The following EXOC4 variants were observed in gnomAD, a reference collection of about 807,000 sequenced individuals.
EXOC4 encodes exocyst complex component 4.
EXOC4 carries 71 observed loss-of-function variants against 107.2 expected under a neutral mutation model. The ratio of observed to expected loss-of-function variants is 0.66; its 90% CI spans 0.55 to 0.81. The LOEUF is 0.81. Ranked by LOEUF, EXOC4 falls within the 30% of genes least tolerant of loss-of-function variation. EXOC4 has a pLI of 0.00. For synonymous variants in EXOC4, 456 were observed against 441.2 expected (o/e 1.03, Z -0.42); for missense variants, 1,108 against 1,189.6 (o/e 0.93, Z 1.01).
chr7:134,040,825 A>G (rs1029864520), intron 17 of EXOC4, among the ~76,000 whole-genome samples: 2 of 152,228 alleles, frequency 1.3e-5, no homozygotes, highest in Non-Finnish European at 2.9e-5. Context: ...AGGATAGTCA[A>G]TCACCTGTGG....
At chr7:133,712,439 CAAAAAAAAAAAAAAAAAAA>C (rs58629398) in intron 10 of EXOC4, among the ~76,000 whole-genome samples, 3 of 30,226 alleles carry the variant, frequency 9.9e-5, no homozygotes, top group Non-Finnish European at 1.7e-4. Context: ...AACTCTGTCT[CAAAAAAAAAAAAAAAAAAA>C]AAAAAAAAAA....
intron 7 of EXOC4, among the ~76,000 whole-genome samples, chr7:133,457,761 C>T (rs932654361): frequency 1.3e-5 from 2 of 152,042 alleles, no homozygotes; most frequent in Non-Finnish European, 2.9e-5. Flanking sequence ...TCTTTTTTCA[C>T]CTTTAATTGA....
At chr7:133,827,551 C>T (rs1797730045) in intron 11 of EXOC4, among the ~76,000 whole-genome samples, 1 of 152,144 alleles carries the variant, frequency 6.6e-6, no homozygotes, top group Non-Finnish European at 1.5e-5. Flanking sequence ...ACATTATTTT[C>T]ATTTGTCTTC....
chr7:133,679,008 T>C (rs1794127048), intron 10 of EXOC4, among the ~76,000 whole-genome samples: 1 of 152,220 alleles, frequency 6.6e-6, no homozygotes, highest in Non-Finnish European at 1.5e-5. Context: ...TTTATTTTTG[T>C]GTTTATTCTT....
Position 133,306,024 on chromosome 7 carries a change from C to G in EXOC4, c.619C>G (p.Arg207Gly). ...GCACCTGTACATCAAATCGACTAGCCGAGTTGTGCAGCGTAACAAGGAAAA... is the reference window on the plus strand; with the variant it reads ...GCACCTGTACATCAAATCGACTAGCGGAGTTGTGCAGCGTAACAAGGAAAA... ...HRHLYIKSTS[R>G]VVQRNKEKGK... The change falls in exon 4 of 18, where the codon CGA becomes GGA. Residue 207 changes from arginine (R) to glycine (G), a missense_variant. Transcript: ENST00000253861. 6.2e-7 allele frequency: 1 copy of G among 1,613,218 alleles called. No homozygotes were observed. Among genetic ancestry groups the G allele is most frequent in the Non-Finnish European group, 8.5e-7 (1 of 1,179,634 alleles).
At chr7:133,806,582 T>C (rs947736406) in intron 10 of EXOC4, among the ~76,000 whole-genome samples, 1 of 152,196 alleles carries the variant, frequency 6.6e-6, no homozygotes. Flanking sequence ...GCACACACTT[T>C]AGGGTTTTCA....
In EXOC4 at chr7:133,703,371, G is replaced by A. The variant is rs117708313; in HGVS notation, c.1514+73230G>A. On this transcript the variant is annotated intron_variant, in intron 10 of 17. Coordinates refer to ENST00000253861, the MANE Select transcript of EXOC4 (RefSeq NM_021807.4). ...TCTACATTGATGTAAGGATACCTTC[G>A]TCACATGGATGAATTAATAAATTCA... is the stretch of plus-strand genomic sequence containing the variant. 2.5e-3 allele frequency among the ~76,000 whole-genome samples: 380 copies of A among 152,210 alleles called. 1 individual carries two copies. Among genetic ancestry groups the A allele is most frequent in the South Asian group, 7.1e-3 (34 of 4,820 alleles).
chr7:133,426,901 C>T (rs2150768662), intron 7 of EXOC4, among the ~76,000 whole-genome samples: 1 of 152,194 alleles, frequency 6.6e-6, no homozygotes, highest in East Asian at 1.9e-4. Flanking sequence ...GGGAATTGAG[C>T]AGTTTATATT....
chr7:133,496,469 T>A (rs1365242034), intron 9 of EXOC4, among the ~76,000 whole-genome samples: 1 of 152,168 alleles, frequency 6.6e-6, no homozygotes, highest in African/African-American at 2.4e-5. Flanking sequence ...ACCCAGCCAA[T>A]ATAGTTTTTC....
At chr7:134,091,642 A>G in the EXOC4 span, among the ~76,000 whole-genome samples, 1 of 152,296 alleles carries the variant, frequency 6.6e-6, no homozygotes, top group Non-Finnish European at 1.5e-5. Flanking sequence ...CAGTATTTTC[A>G]CAAAGACCCA....
intron 5 of EXOC4, among the ~76,000 whole-genome samples, chr7:133,350,426 C>T (rs774565380): frequency 6.6e-5 from 10 of 151,918 alleles, no homozygotes; most frequent in African/African-American, 2.4e-4. Flanking sequence ...GTTGAAAGGC[C>T]GTCCTTTCCC....
At chr7:133,475,195 A>G in intron 7 of EXOC4, 133 bp from the exon 8 acceptor site, 1 of 703,668 alleles carries the variant, frequency 1.4e-6, no homozygotes, top group Non-Finnish European at 2.3e-6. Flanking sequence ...CCAACTTGGA[A>G]AATGAATGAC....
chr7:133,534,074 C>T (rs1488103728), intron 9 of EXOC4, among the ~76,000 whole-genome samples: 3 of 152,158 alleles, frequency 2.0e-5, no homozygotes, highest in East Asian at 1.9e-4. Context: ...TTTCAGCTCA[C>T]GTAAGAACTT....
In EXOC4 at chr7:133,818,317, C is replaced by A. The variant is rs146490962; in HGVS notation, c.1734+773C>A. ...GGATGGGCACAGTCTCACACTTTTA[C>A]CTAAATTGTACAATATGAGACTATT... On this transcript the variant is annotated intron_variant, in intron 11 of 17. Transcript: ENST00000253861. 5.8e-4 allele frequency among the ~76,000 whole-genome samples: 89 copies of A among 152,194 alleles called. 1 individual carries two copies. Among genetic ancestry groups the A allele is most frequent in the Non-Finnish European group, 9.6e-4 (65 of 68,012 alleles).
At chr7:133,656,644 GCCTA>G (rs534411833) in intron 10 of EXOC4, among the ~76,000 whole-genome samples, 157 of 152,224 alleles carry the variant, frequency 1.0e-3, no homozygotes, top group African/African-American at 3.4e-3. Context: ...AAACACAAGT[GCCTA>G]CCTATTTTAA....
intron 14 of EXOC4, among the ~76,000 whole-genome samples, chr7:133,941,657 T>A (rs1446145005): frequency 6.6e-6 from 1 of 152,158 alleles, no homozygotes; most frequent in African/African-American, 2.4e-5. Context: ...CCCCTCAGTC[T>A]TTCTGACACT....
chr7:134,029,538 ATGAC>A, intron 17 of EXOC4, among the ~76,000 whole-genome samples: 1 of 152,250 alleles, frequency 6.6e-6, no homozygotes, highest in East Asian at 1.9e-4. Flanking sequence ...TGCTTCATGA[ATGAC>A]AAGGTTTTAC....
intron 6 of EXOC4, among the ~76,000 whole-genome samples, chr7:133,372,453 T>A (rs1402268073): frequency 6.6e-6 from 1 of 152,176 alleles, no homozygotes. Flanking sequence ...TGGCAGAAAC[T>A]GGAACTGTGT....
intron 2 of EXOC4, among the ~76,000 whole-genome samples, chr7:133,288,546 T>G (rs1030336364): frequency 1.3e-5 from 2 of 152,234 alleles, no homozygotes; most frequent in Non-Finnish European, 2.9e-5. Flanking sequence ...ATAGGAAATT[T>G]GCAAGCATTG....
Sources: allele counts gnomAD v4.1 joint callset (sites outside exome capture counted in the v4.1 genomes callset), GRCh38; gene constraint gnomAD v4.1.1; transcripts MANE v1.5; gene names NCBI Gene and HGNC (gene_info 2026-07-23, HGNC 2026-07-21).